NACC2: variants seen among roughly 807,000 people sequenced by gnomAD.
NACC2 encodes the protein nucleus accumbens-associated protein 2.
A neutral mutation model predicts 25.1 loss-of-function variants in NACC2; 8 were observed. The observed-to-expected ratio is 0.32, with a 90% CI of 0.19 to 0.57. The LOEUF is 0.57. Among genes scored for constraint, NACC2 ranks in the 20% least tolerant of loss-of-function variants. The probability of loss-of-function intolerance (pLI) is 0.89; values close to 1 mark genes in which losing one functional copy is unlikely to be tolerated. For missense variants in NACC2, 644 were observed against 650.2 expected, an observed-to-expected ratio of 0.99 and a Z score of 0.10; for synonymous variants, 435 against 294.7, an observed-to-expected ratio of 1.48 and a Z score of -4.88.
intron 1 of NACC2, among the ~76,000 whole-genome samples, chr9:136,083,651 C>A (rs1205076500): frequency 2.0e-5 from 3 of 152,226 alleles, no homozygotes; most frequent in Non-Finnish European, 4.4e-5. Flanking sequence ...CAGGGCACCA[C>A]AGGCGGCTGG....
intron 2 of NACC2, among the ~76,000 whole-genome samples, chr9:136,041,291 G>C (rs1218102690): frequency 2.6e-5 from 4 of 151,992 alleles, no homozygotes; most frequent in African/African-American, 9.7e-5. Context: ...CCATGGTGGC[G>C]GGTTCCTGTA....
At chr9:136,082,966 G>C (rs1290161147) in intron 1 of NACC2, among the ~76,000 whole-genome samples, 1 of 152,218 alleles carries the variant, frequency 6.6e-6, no homozygotes, top group African/African-American at 2.4e-5. Context: ...ATCAGGGCGA[G>C]GGGGAAGACG....
At chr9:136,062,158 AGGACAGGACAGGAC>A (rs1164260706) in intron 1 of NACC2, among the ~76,000 whole-genome samples, 13 of 151,510 alleles carry the variant, frequency 8.6e-5, no homozygotes, top group Admixed American at 3.9e-4. Context: ...AGGACAGGAC[AGGACAGGACAGGAC>A]AGGAAAGGAA....
At chr9:136,032,513 G>C (rs919741238) in intron 2 of NACC2, among the ~76,000 whole-genome samples, 4 of 152,316 alleles carry the variant, frequency 2.6e-5, no homozygotes, top group Non-Finnish European at 4.4e-5. Context: ...GTTTAGAAAT[G>C]AGACAGGGAT....
chr9:136,064,945 T>A (rs904778209), intron 1 of NACC2, among the ~76,000 whole-genome samples: 1 of 152,174 alleles, frequency 6.6e-6, no homozygotes. Context: ...GCCAAGACCA[T>A]TCAATGGGGA....
intron 2 of NACC2, among the ~76,000 whole-genome samples, chr9:136,027,974 C>T (rs1233179874): frequency 6.6e-6 from 1 of 152,092 alleles, no homozygotes; most frequent in Admixed American, 6.6e-5. Context: ...CAAAAATTAA[C>T]ATCGGCCTGG....
At chr9:136,070,477 A>C (rs7848991) in intron 1 of NACC2, among the ~76,000 whole-genome samples, 74,370 of 151,642 alleles carry the variant, frequency 0.49, 19,477 homozygotes, top group Middle Eastern at 0.63. Context: ...ACTGCACTCC[A>C]GCCTGGGCGA....
chr9:136,057,514 A>T (rs1840942237), intron 1 of NACC2, among the ~76,000 whole-genome samples: 1 of 152,258 alleles, frequency 6.6e-6, no homozygotes, highest in Non-Finnish European at 1.5e-5. Flanking sequence ...TTTCCAAAGA[A>T]TTAAGCTGTG....
In NACC2 at chr9:136,007,486, C is replaced by CGCACAGACACACACAT. The variant is rs1162828332; in HGVS notation, c.*4014_*4029dup. 18 of 151,862 alleles carry CGCACAGACACACACAT rather than the reference C, an allele frequency of 1.2e-4. No homozygotes were observed. In the Admixed American group the frequency reaches 1.2e-3, roughly 10 times the overall value. 9.4% of individuals were successfully genotyped at this position (151,862 alleles called of 1,614,324 possible). A position where few individuals can be genotyped will look rare whatever the true frequency, so the allele number is the denominator to read the frequency against. On this transcript the variant is annotated 3_prime_UTR_variant, in exon 6 of 6. Transcript: ENST00000277554. ...AGACGCACACACACAGACGCACACA[C>CGCACAGACACACACAT]GCACAGACACACACATGCACAGACG... is the stretch of plus-strand genomic sequence containing the variant.
At chr9:136,042,228 T>A (rs1434057388) in intron 2 of NACC2, among the ~76,000 whole-genome samples, 9 of 152,168 alleles carry the variant, frequency 5.9e-5, no homozygotes, top group African/African-American at 2.2e-4. Context: ...CCTCAGGTGA[T>A]CCACCCATCT....
At position 136,053,065 on chromosome 9, in the gene NACC2, G is replaced by A. The variant is rs942130396; in HGVS notation, c.-59-2485C>T. Among the ~76,000 whole-genome samples, 81 of 152,362 alleles carry A rather than the reference G, an allele frequency of 5.3e-4. 1 individual carries two copies. Among genetic ancestry groups the A allele is most frequent in the African/African-American group, 1.9e-3 (81 of 41,594 alleles). The stretch of plus-strand genomic sequence containing the variant: ...GTCCAGGCTCGAGGCCTTGAGGTGA[G>A]CCCCCTCCTGCTTGGCCAGCTGCCT... On this transcript the variant is annotated intron_variant, in intron 1 of 5. Transcript: ENST00000277554.
intron 1 of NACC2, among the ~76,000 whole-genome samples, chr9:136,090,831 G>A (rs1044240473): frequency 6.6e-5 from 10 of 151,568 alleles, no homozygotes; most frequent in African/African-American, 2.2e-4. Flanking sequence ...AGCTGGGGCC[G>A]GCCAGCCCTG....
intron 2 of NACC2, among the ~76,000 whole-genome samples, chr9:136,033,625 G>A (rs1588564801): frequency 1.4e-5 from 2 of 147,900 alleles, no homozygotes; most frequent in African/African-American, 5.0e-5. Flanking sequence ...CTCCAGCCCG[G>A]GGGACAGAGC....
intron 1 of NACC2, among the ~76,000 whole-genome samples, chr9:136,093,588 C>T (rs1717453): frequency 0.19 from 28,772 of 152,234 alleles, 5,471 homozygotes; most frequent in African/African-American, 0.5. Flanking sequence ...TTGTTCCACT[C>T]TCTGTGCCCA....
chr9:136,024,473 G>A (rs1225952549), intron 2 of NACC2, among the ~76,000 whole-genome samples: 3 of 147,452 alleles, frequency 2.0e-5, no homozygotes, highest in African/African-American at 7.5e-5. Flanking sequence ...GACAGAGGGT[G>A]CGTGTGAGGA....
At chr9:136,036,696 G>A (rs1018301278) in intron 2 of NACC2, among the ~76,000 whole-genome samples, 24 of 152,282 alleles carry the variant, frequency 1.6e-4, no homozygotes, top group African/African-American at 5.5e-4. Context: ...CCTTGAGCAT[G>A]AAGAAACCAC....
At chr9:136,048,218 G>A (rs892349182) in intron 2 of NACC2, among the ~76,000 whole-genome samples, 1 of 152,230 alleles carries the variant, frequency 6.6e-6, no homozygotes, top group Non-Finnish European at 1.5e-5. Context: ...GGGGCCCTGG[G>A]TGGGCCTTGG....
intron 2 of NACC2, among the ~76,000 whole-genome samples, chr9:136,040,988 G>GGAAA (rs1162828078): frequency 2.7e-4 from 7 of 25,528 alleles, no homozygotes; most frequent in South Asian, 8.5e-4. Context: ...AGAAAAGGAA[G>GGAAA]GAAAGGAAGG....
At chr9:136,021,787 G>T (rs1840299186) in intron 2 of NACC2, among the ~76,000 whole-genome samples, 1 of 152,198 alleles carries the variant, frequency 6.6e-6, no homozygotes, top group South Asian at 2.1e-4. Flanking sequence ...AGGAACAAAT[G>T]ATTGGCACAC....
Sources: gnomAD v4.1 joint callset for allele counts (sites outside exome capture counted in the v4.1 genomes callset) on GRCh38, gnomAD v4.1.1 for gene constraint, MANE v1.5 for transcripts, NCBI Gene and HGNC (gene_info 2026-07-23, HGNC 2026-07-21) for gene names.